The following AGBL1 variants were observed in gnomAD, a reference collection of about 807,000 sequenced individuals.
AGBL1 encodes cytosolic carboxypeptidase 4.
Under a neutral mutation model 118.9 loss-of-function variants are expected in AGBL1, and 130 were observed. The observed-to-expected ratio is 1.09, with a 90% confidence interval of 0.95 to 1.26. The LOEUF (loss-of-function observed/expected upper bound fraction) is 1.26, where lower values mean the gene tolerates loss of function less well. Among genes scored for constraint, AGBL1 ranks in the 50% most tolerant of loss-of-function variants. The pLI, the probability that AGBL1 is intolerant of heterozygous loss-of-function variation, is 0.00. For synonymous variants in AGBL1, 555 were observed against 478.9 expected, an observed-to-expected ratio of 1.16 and a Z score of -2.08; for missense variants, 1,584 against 1,298.1, an observed-to-expected ratio of 1.22 and a Z score of -3.38.
intron 22 of AGBL1, among the ~76,000 whole-genome samples, chr15:86,793,349 T>C (rs2078523288): frequency 6.6e-6 from 1 of 152,184 alleles, no homozygotes; most frequent in Admixed American, 6.5e-5. Flanking sequence ...CTATGGTCAA[T>C]TGATTTTGGA....
At chr15:86,205,711 T>A (rs2077980288) in intron 5 of AGBL1, among the ~76,000 whole-genome samples, 1 of 152,236 alleles carries the variant, frequency 6.6e-6, no homozygotes, top group South Asian at 2.1e-4. Flanking sequence ...ACATATGCTG[T>A]GAAGCATCTT....
At chr15:86,138,276 C>T (rs1156718810) in intron 1 of AGBL1, 2 of 152,264 alleles carry the variant, frequency 1.3e-5, no homozygotes, top group Admixed American at 1.3e-4. Flanking sequence ...TCTCCCCTTT[C>T]AACTTGGTTT....
At chr15:86,598,894 A>G (rs2084449166) in intron 21 of AGBL1, among the ~76,000 whole-genome samples, 1 of 152,220 alleles carries the variant, frequency 6.6e-6, no homozygotes, top group Non-Finnish European at 1.5e-5. Context: ...AAGAAATCTG[A>G]AAATGGAGCA....
At chr15:86,375,240 C>G (rs1383093639) in intron 17 of AGBL1, among the ~76,000 whole-genome samples, 1 of 152,190 alleles carries the variant, frequency 6.6e-6, no homozygotes, top group East Asian at 1.9e-4. Flanking sequence ...CACATTTCCA[C>G]TCGGCTGGCA....
chr15:86,609,075 G>A (rs1004476084), intron 21 of AGBL1, among the ~76,000 whole-genome samples: 2 of 152,140 alleles, frequency 1.3e-5, no homozygotes, highest in African/African-American at 2.4e-5. Context: ...AAACTGTGCG[G>A]GTTGGCTCTT....
chr15:86,675,926 A>G (rs2085838100), intron 22 of AGBL1, among the ~76,000 whole-genome samples: 1 of 152,226 alleles, frequency 6.6e-6, no homozygotes, highest in African/African-American at 2.4e-5. Flanking sequence ...AAAGAAATCT[A>G]TCAAAGAAAT....
At chr15:86,925,066 C>T (rs1337335577) in intron 23 of AGBL1, among the ~76,000 whole-genome samples, 1 of 150,026 alleles carries the variant, frequency 6.7e-6, no homozygotes, top group Non-Finnish European at 1.5e-5. Flanking sequence ...TGCACCACTG[C>T]ACTCCAGCCT....
intron 22 of AGBL1, among the ~76,000 whole-genome samples, chr15:86,868,762 A>G (rs2079675980): frequency 6.6e-6 from 1 of 152,208 alleles, no homozygotes; most frequent in African/African-American, 2.4e-5. Flanking sequence ...ACTACTAAAA[A>G]GTAAGGCCTG....
chr15:86,661,809 G>T (rs1026194146), intron 21 of AGBL1, among the ~76,000 whole-genome samples: 2 of 152,106 alleles, frequency 1.3e-5, no homozygotes, highest in African/African-American at 4.8e-5. Context: ...AGTCACTCTC[G>T]TCGCTCTGAG....
chr15:86,788,182 T>TG (rs2078441875), intron 22 of AGBL1, among the ~76,000 whole-genome samples: 1 of 152,344 alleles, frequency 6.6e-6, no homozygotes, highest in East Asian at 1.9e-4. Flanking sequence ...GCCAAGCCCT[T>TG]GGAAGGACTT....
At chr15:87,017,052 C>T (rs1477782603) in intron 24 of AGBL1, among the ~76,000 whole-genome samples, 1 of 152,100 alleles carries the variant, frequency 6.6e-6, no homozygotes, top group East Asian at 1.9e-4. Flanking sequence ...TCTGCAGGCC[C>T]CACTTCCACA....
intron 7 of AGBL1, among the ~76,000 whole-genome samples, chr15:86,250,691 A>G (rs539372684): frequency 3.3e-5 from 5 of 152,192 alleles, no homozygotes; most frequent in African/African-American, 1.2e-4. Flanking sequence ...CTGGCTTAGA[A>G]ACCAAATGGC....
chr15:86,544,558 G>T (rs142982366), intron 19 of AGBL1, among the ~76,000 whole-genome samples: 1,926 of 152,304 alleles, frequency 0.013, 32 homozygotes, highest in Non-Finnish European at 0.019. Context: ...GGGCAAATGA[G>T]GGGCAAAGTC....
chr15:86,491,956 A>G (rs1026467081), intron 18 of AGBL1, among the ~76,000 whole-genome samples: 4 of 152,058 alleles, frequency 2.6e-5, no homozygotes, highest in Non-Finnish European at 5.9e-5. Flanking sequence ...ACACTGGCCT[A>G]ATACTACACA....
intron 23 of AGBL1, chr15:86,939,612 C>A (rs1189078546): frequency 6.6e-6 from 1 of 152,160 alleles, no homozygotes; most frequent in Non-Finnish European, 1.5e-5. Flanking sequence ...CCTGTTAGTC[C>A]TGTCCCTCTA....
chr15:86,903,269 C>A (rs2080236791), intron 22 of AGBL1, among the ~76,000 whole-genome samples: 3 of 151,796 alleles, frequency 2.0e-5, no homozygotes, highest in Admixed American at 2.0e-4. Context: ...TTATAGCTTC[C>A]ATTTCTTTGC....
intron 18 of AGBL1, among the ~76,000 whole-genome samples, chr15:86,485,820 G>C (rs990387137): frequency 6.6e-6 from 1 of 152,038 alleles, no homozygotes; most frequent in Non-Finnish European, 1.5e-5. Flanking sequence ...TCTGATCCAG[G>C]TGGCCTGCAG....
chr15:86,978,131 T>C (rs956834444), intron 23 of AGBL1, among the ~76,000 whole-genome samples: 2 of 152,176 alleles, frequency 1.3e-5, no homozygotes, highest in Non-Finnish European at 2.9e-5. Flanking sequence ...ATTCACAGAC[T>C]ACTACCTAAC....
intron 22 of AGBL1, among the ~76,000 whole-genome samples, chr15:86,688,658 T>G (rs190696617): frequency 6.6e-6 from 1 of 152,170 alleles, no homozygotes; most frequent in Non-Finnish European, 1.5e-5. Context: ...AATATTTCCC[T>G]ATGAAGTGAA....
Sources: gnomAD v4.1 joint callset for allele counts (sites outside exome capture counted in the v4.1 genomes callset) on GRCh38, gnomAD v4.1.1 for gene constraint, MANE v1.5 for transcripts, NCBI Gene and HGNC (gene_info 2026-07-23, HGNC 2026-07-21) for gene names.